Variants in GAD2 observed in about 807,000 individuals in gnomAD.
GAD2 encodes 65 kDa glutamic acid decarboxylase.
Under a neutral mutation model 80.1 loss-of-function variants are expected in GAD2, and 22 were observed. That is an observed-to-expected ratio of 0.27 (90% CI 0.20 to 0.39). The LOEUF is 0.39. Ranked by LOEUF, GAD2 falls within the 10% of genes least tolerant of loss-of-function variation. The pLI is 1.00. For synonymous variants in GAD2, 274 were observed against 256.9 expected, an observed-to-expected ratio of 1.07 and a Z score of -0.64; for missense variants, 624 against 738.4, an observed-to-expected ratio of 0.85 and a Z score of 1.80.
At chr10:26,299,088 G>A (rs77771658) in intron 15 of GAD2, among the ~76,000 whole-genome samples, 2,626 of 152,246 alleles carry the variant, frequency 0.017, 34 homozygotes, top group Non-Finnish European at 0.028. Context: ...AATCATCCAC[G>A]TTCATTTTTA....
At chr10:26,286,857 GA>G (rs1434040767) in intron 13 of GAD2, among the ~76,000 whole-genome samples, 1 of 152,170 alleles carries the variant, frequency 6.6e-6, no homozygotes, top group Non-Finnish European at 1.5e-5. Context: ...AATGCAATCT[GA>G]AAGTATAGGT....
intron 15 of GAD2, among the ~76,000 whole-genome samples, chr10:26,299,927 A>C (rs1439349187): frequency 2.0e-5 from 3 of 152,194 alleles, no homozygotes; most frequent in African/African-American, 4.8e-5. Context: ...AGTATGACAT[A>C]GTAACACTGA....
rs1222372205 is a variant in GAD2 at position 26,217,900 on chromosome 10, G to A, written c.195G>A (p.Arg65=). The change falls in exon 3 of 16, where the codon CGG becomes CGA. Residue 65 remains arginine, a synonymous_variant. Coordinates refer to ENST00000376261, the MANE Select transcript of GAD2 (RefSeq NM_001134366.2). This position sits in a 1 kb window ranked among gnomAD's most constrained non-coding sequence, Gnocchi z 4.9. ...PAESGGSQPP[R]AAARKAACAC... is the part of the protein sequence containing the mutation. ...AGAGCGGCGGGAGCCAACCCCCGCG[G>A]GCCGCCGCCCGGAAGGCCGCCTGCG... The A allele has an allele frequency of 1.2e-6, 2 of 1,608,826 alleles. No individual in the cohort carries two copies. The highest frequency in any genetic ancestry group is 2.7e-5 in the African/African-American group (2 of 74,836).
rs532610207 is a variant in GAD2 at position 26,285,511 on chromosome 10, T to G, written c.1237-834T>G. ...AACACGGGGTTTTTAGTGAAGAGAC[T>G]GTCGATACTATTTTAGTCGGAAAAC... On this transcript the variant is annotated intron_variant, in intron 12 of 15. Coordinates refer to ENST00000376261, the MANE Select transcript of GAD2 (RefSeq NM_001134366.2). Among the ~76,000 whole-genome samples the G allele has an allele frequency of 7.2e-5, 11 of 152,366 alleles. No homozygotes were observed. The South Asian group carries it at 2.3e-3, about 32-fold the overall frequency.
chr10:26,217,216 T>G lies in GAD2; in HGVS notation c.76+331T>G. Among the ~76,000 whole-genome samples, 1 of 149,466 alleles carries G rather than the reference T, an allele frequency of 6.7e-6. No individual in the cohort carries two copies. Among genetic ancestry groups the G allele is most frequent in the African/African-American group, 2.5e-5 (1 of 40,182 alleles). ...GTCTGGACCCTGGGGTGGGACGGAG[T>G]GACCGTGAAGATAGAAAAAAAAAAT... On this transcript the variant is annotated intron_variant, in intron 1 of 15. Transcript: ENST00000376261. The surrounding 1 kb of genome is among the most constrained non-coding windows in gnomAD (Gnocchi z 4.9).
chr10:26,254,415 G>A (rs1040341619), intron 8 of GAD2, among the ~76,000 whole-genome samples: 1 of 152,144 alleles, frequency 6.6e-6, no homozygotes, highest in Non-Finnish European at 1.5e-5. Context: ...ACAGGAGGCG[G>A]GGCTCAGGCG....
intron 8 of GAD2, among the ~76,000 whole-genome samples, chr10:26,247,847 G>C (rs1304985603): frequency 7.8e-6 from 1 of 127,592 alleles, no homozygotes; most frequent in African/African-American, 3.0e-5. Flanking sequence ...AGTGAGCCGA[G>C]ATCATGCCAT....
At chr10:26,267,217 T>A (rs1473653606) in intron 8 of GAD2, among the ~76,000 whole-genome samples, 1 of 152,182 alleles carries the variant, frequency 6.6e-6, no homozygotes, top group African/African-American at 2.4e-5. Context: ...CAAAAAAAAA[T>A]TTCTAAGAGT....
At chr10:26,238,240 A>G (rs568683119) in intron 7 of GAD2, among the ~76,000 whole-genome samples, 62 of 152,196 alleles carry the variant, frequency 4.1e-4, no homozygotes, top group Admixed American at 1.6e-3. Flanking sequence ...TCTCACATCA[A>G]TTCTGCCAAG....
intron 13 of GAD2, among the ~76,000 whole-genome samples, chr10:26,288,067 ATTACT>A (rs943934642): frequency 8.5e-5 from 13 of 152,164 alleles, no homozygotes; most frequent in African/African-American, 3.1e-4. Flanking sequence ...AGTAACCTAA[ATTACT>A]TTAAGCAGTT....
intron 8 of GAD2, among the ~76,000 whole-genome samples, chr10:26,262,470 A>G (rs1201053266): frequency 6.6e-6 from 1 of 151,674 alleles, no homozygotes; most frequent in African/African-American, 2.4e-5. Context: ...TATTTATTGG[A>G]CTAATCAGAT....
chr10:26,224,425 A>G, intron 5 of GAD2, 114 bp from the exon 6 acceptor site: 1 of 744,832 alleles, frequency 1.3e-6, no homozygotes, highest in African/African-American at 1.8e-5. Flanking sequence ...TGTTATAATC[A>G]TAACACTTGT....
intron 11 of GAD2, among the ~76,000 whole-genome samples, chr10:26,276,854 G>A (rs1004239255): frequency 1.1e-4 from 16 of 152,230 alleles, no homozygotes; most frequent in Non-Finnish European, 1.8e-4. Context: ...TGAGAGCCAG[G>A]TGTTCAGGAT....
At chr10:26,221,166 T>C (rs1162773822) in intron 4 of GAD2, among the ~76,000 whole-genome samples, 3 of 152,334 alleles carry the variant, frequency 2.0e-5, no homozygotes, top group African/African-American at 7.2e-5. Flanking sequence ...CTGTCATACT[T>C]GTCATCTAAT....
chr10:26,255,172 A>G (rs951692250), intron 8 of GAD2, among the ~76,000 whole-genome samples: 4 of 152,192 alleles, frequency 2.6e-5, no homozygotes, highest in Non-Finnish European at 5.9e-5. Flanking sequence ...GAGATTGAGG[A>G]GGAGCAGCCA....
intron 7 of GAD2, among the ~76,000 whole-genome samples, chr10:26,234,512 G>A (rs1332277057): frequency 1.3e-5 from 2 of 152,142 alleles, no homozygotes; most frequent in Non-Finnish European, 2.9e-5. Context: ...TGCATTCAGT[G>A]TATTTTATTG....
intron 11 of GAD2, among the ~76,000 whole-genome samples, chr10:26,280,187 G>A (rs1040891528): frequency 1.1e-4 from 17 of 152,168 alleles, no homozygotes; most frequent in African/African-American, 2.9e-4. Flanking sequence ...GGAGACCCAC[G>A]CCCTCACCTG....
chr10:26,290,238 C>T (rs973977166), intron 13 of GAD2, among the ~76,000 whole-genome samples: 4 of 152,318 alleles, frequency 2.6e-5, no homozygotes, highest in Middle Eastern at 3.4e-3. Flanking sequence ...AGAAGGCTCT[C>T]ATTTTCCAGA....
intron 13 of GAD2, 30 bp from the exon 14 acceptor site, chr10:26,292,435 C>A: frequency 1.3e-6 from 2 of 1,543,470 alleles, no homozygotes; most frequent in Non-Finnish European, 1.8e-6. Context: ...TCTTAGCCTG[C>A]TTAATGAGCT....
Sources: gnomAD v4.1 joint callset for allele counts (sites outside exome capture counted in the v4.1 genomes callset) on GRCh38, gnomAD v4.1.1 for gene constraint, Gnocchi (gnomAD v3.1) non-coding constraint, MANE v1.5 for transcripts, NCBI Gene and HGNC (gene_info 2026-07-23, HGNC 2026-07-21) for gene names.